The following STAU2 variants were observed in gnomAD, a reference collection of about 807,000 sequenced individuals.
STAU2 encodes the protein staufen double-stranded RNA binding protein 2, also known as double-stranded RNA-binding protein Staufen homolog 2.
Under a neutral mutation model 65.9 loss-of-function variants are expected in STAU2, and 20 were observed. That is an observed-to-expected ratio of 0.30 (90% CI 0.21 to 0.44). The LOEUF (loss-of-function observed/expected upper bound fraction) is 0.44. Ranked by LOEUF, STAU2 falls within the 20% of genes least tolerant of loss-of-function variation. STAU2 has a pLI of 1.00. For synonymous variants in STAU2, 232 were observed against 233.9 expected, an observed-to-expected ratio of 0.99 and a Z score of 0.07; for missense variants, 558 against 683.9, an observed-to-expected ratio of 0.82 and a Z score of 2.05.
chr8:73,656,488 G>A lies in STAU2; in HGVS notation c.410+16619C>T, dbSNP rs1221419507. ...AATTATTCAGATTCTCCATTTCTGG[G>A]AAATATTCCAAAACAGTATTACTAT... On this transcript the variant is annotated intron_variant, in intron 6 of 14. Transcript: ENST00000524300. Among the ~76,000 whole-genome samples, 4 of 152,198 alleles carry A rather than the reference G, an allele frequency of 2.6e-5. No homozygotes were observed. The East Asian group carries it at 5.8e-4, about 22-fold the overall frequency.
At chr8:73,646,179 T>C (rs1035940358) in intron 6 of STAU2, among the ~76,000 whole-genome samples, 2 of 152,178 alleles carry the variant, frequency 1.3e-5, no homozygotes, top group African/African-American at 2.4e-5. Flanking sequence ...AATTGAAATG[T>C]AGGTCTACAT....
At chr8:73,685,251 A>C (rs571393000) in intron 5 of STAU2, among the ~76,000 whole-genome samples, 19 of 152,324 alleles carry the variant, frequency 1.2e-4, no homozygotes, top group African/African-American at 4.1e-4. Flanking sequence ...ACCCAGAATC[A>C]GGAAGTTCTT....
At chr8:73,697,266 T>G (rs1819747191) in intron 4 of STAU2, 4 of 152,152 alleles carry the variant, frequency 2.6e-5, no homozygotes, top group Admixed American at 2.6e-4. Flanking sequence ...GAGGAGAGTG[T>G]GGCAAGACAT....
intron 6 of STAU2, among the ~76,000 whole-genome samples, chr8:73,658,564 A>G (rs899270521): frequency 6.6e-6 from 1 of 152,100 alleles, no homozygotes; most frequent in African/African-American, 2.4e-5. Flanking sequence ...TATTGCAGAA[A>G]CTTCTATAAA....
intron 13 of STAU2, among the ~76,000 whole-genome samples, chr8:73,462,256 T>A (rs1056591230): frequency 1.1e-4 from 16 of 151,110 alleles, no homozygotes; most frequent in Admixed American, 4.6e-4. Flanking sequence ...ATTTTTGTAT[T>A]TTTTTTTCTT....
At chr8:73,607,322 T>C (rs1368378046) in intron 9 of STAU2, among the ~76,000 whole-genome samples, 1 of 152,192 alleles carries the variant, frequency 6.6e-6, no homozygotes, top group African/African-American at 2.4e-5. Context: ...CAAAGCTTAT[T>C]GAGAAATGTT....
At chr8:73,714,664 G>A (rs574871053) in intron 3 of STAU2, among the ~76,000 whole-genome samples, 7 of 152,166 alleles carry the variant, frequency 4.6e-5, no homozygotes, top group Non-Finnish European at 8.8e-5. Flanking sequence ...AAGCCATAAA[G>A]GCAAAAACTG....
At chr8:73,599,478 A>T (rs1163252701) in intron 10 of STAU2, among the ~76,000 whole-genome samples, 1 of 152,176 alleles carries the variant, frequency 6.6e-6, no homozygotes, top group East Asian at 1.9e-4. Flanking sequence ...GAAAAGTTGA[A>T]TTGTTTTACC....
chr8:73,428,819 A>G (rs927875773), intron 13 of STAU2, among the ~76,000 whole-genome samples: 1 of 152,092 alleles, frequency 6.6e-6, no homozygotes, highest in African/African-American at 2.4e-5. Flanking sequence ...AACTGCATAT[A>G]TGAGACGAAG....
At chr8:73,693,693 G>A (rs987256931) in intron 4 of STAU2, among the ~76,000 whole-genome samples, 3 of 152,180 alleles carry the variant, frequency 2.0e-5, no homozygotes, top group African/African-American at 7.2e-5. Context: ...TCCTACTACA[G>A]TAAAAAGTGT....
chr8:73,725,726 G>A (rs1805574903), intron 3 of STAU2, among the ~76,000 whole-genome samples: 1 of 152,174 alleles, frequency 6.6e-6, no homozygotes. Flanking sequence ...GAGTCCAGGA[G>A]TTGGGAGACC....
At chr8:73,590,464 T>A (rs932582726) in intron 11 of STAU2, 1 of 151,938 alleles carries the variant, frequency 6.6e-6, no homozygotes, top group Non-Finnish European at 1.5e-5. Flanking sequence ...AAACCCAGAA[T>A]CCTATATCCA....
At chr8:73,655,167 A>G (rs1816258522) in intron 6 of STAU2, among the ~76,000 whole-genome samples, 1 of 152,244 alleles carries the variant, frequency 6.6e-6, no homozygotes, top group Non-Finnish European at 1.5e-5. Flanking sequence ...AGTTACACAT[A>G]TTCTTGCATA....
intron 3 of STAU2, among the ~76,000 whole-genome samples, chr8:73,721,075 T>A (rs1167496836): frequency 2.1e-5 from 3 of 145,092 alleles, no homozygotes; most frequent in Admixed American, 6.9e-5. Flanking sequence ...AACCCAGGAG[T>A]TCTAGACCAA....
At chr8:73,424,440 A>G (rs1354070188) in intron 13 of STAU2, among the ~76,000 whole-genome samples, 2 of 152,118 alleles carry the variant, frequency 1.3e-5, no homozygotes, top group South Asian at 4.2e-4. Flanking sequence ...ACCTCGGGTG[A>G]TCCACCCACC....
At chr8:73,667,461 CT>C (rs1817321707) in intron 6 of STAU2, among the ~76,000 whole-genome samples, 1 of 152,156 alleles carries the variant, frequency 6.6e-6, no homozygotes, top group Admixed American at 6.5e-5. Flanking sequence ...AACTAAACTT[CT>C]CAGGATTCCT....
At chr8:73,517,877 C>G (rs1029431268) in intron 13 of STAU2, among the ~76,000 whole-genome samples, 1 of 152,134 alleles carries the variant, frequency 6.6e-6, no homozygotes, top group Non-Finnish European at 1.5e-5. Context: ...TGTGGTTATG[C>G]TGTTCTAAGC....
At chr8:73,609,132 A>C (rs1371317460) in intron 9 of STAU2, among the ~76,000 whole-genome samples, 2 of 152,176 alleles carry the variant, frequency 1.3e-5, no homozygotes, top group Non-Finnish European at 2.9e-5. Context: ...TGAAATACTA[A>C]GTGGGGATGT....
At chr8:73,422,809 A>AT (rs558099500) in intron 13 of STAU2, 107 bp from the exon 14 acceptor site, 326 of 758,070 alleles carry the variant, frequency 4.3e-4, no homozygotes, top group South Asian at 7.7e-4. Flanking sequence ...AGTCTACATA[A>AT]TTTTTTTTTG....
Sources: allele counts gnomAD v4.1 joint callset (sites outside exome capture counted in the v4.1 genomes callset), GRCh38; gene constraint gnomAD v4.1.1; transcripts MANE v1.5; gene names NCBI Gene and HGNC (gene_info 2026-07-23, HGNC 2026-07-21).